The following ASGR2 variants were observed in gnomAD, a reference collection of about 807,000 sequenced individuals.
ASGR2 encodes asialoglycoprotein receptor 2, also known as C-type lectin domain family 4 member H2.
In ASGR2, 34 loss-of-function variants were observed where a neutral mutation model predicts 32.3. The observed-to-expected ratio is 1.05, with a 90% CI of 0.80 to 1.40. The LOEUF (loss-of-function observed/expected upper bound fraction) is 1.40, where lower values mean the gene tolerates loss of function less well. Among genes scored for constraint, ASGR2 ranks in the 40% most tolerant of loss-of-function variants. The pLI is 0.00. For missense variants in ASGR2, 385 were observed against 386.4 expected (o/e 1.00, Z 0.03); for synonymous variants, 143 against 150.0 (o/e 0.95, Z 0.34).
In ASGR2 at chr17:7,108,830, C is replaced by T. The variant is rs1259417543; in HGVS notation, c.183G>A (p.Leu61=). 2 of 1,613,458 alleles carry T rather than the reference C, an allele frequency of 1.2e-6. No individual in the cohort carries two copies. The highest frequency in any genetic ancestry group is 3.3e-5 in the Admixed American group (2 of 59,890). ...QRLCSMVCFS[L]LALSFNILLL... is the part of the protein sequence containing the mutation. The stretch of plus-strand genomic sequence containing the variant: ...GCAGGATGTTGAAGCTCAGGGCAAG[C>T]AGACTGAAGCAGACCATGGAGCAGA... Residue 61 remains leucine (L), a synonymous_variant, in exon 3 of 9, where the codon CTG becomes CTA. Coordinates refer to ENST00000691900, the MANE Select transcript of ASGR2 (RefSeq NM_001201352.2). This position sits in a 1 kb window ranked among gnomAD's most constrained non-coding sequence, Gnocchi z 4.9.
chr17:7,106,490 A>G (rs1361633947), intron 7 of ASGR2, among the ~76,000 whole-genome samples: 1 of 152,210 alleles, frequency 6.6e-6, no homozygotes, highest in Non-Finnish European at 1.5e-5. Context: ...CTGATCAGTA[A>G]AGCAAAATAT....
chr17:7,111,907 G>A (rs996930751), intron 2 of ASGR2, among the ~76,000 whole-genome samples: 3 of 147,414 alleles, frequency 2.0e-5, no homozygotes, highest in Middle Eastern at 3.2e-3. Context: ...GCCAGGTGTG[G>A]TGCCACATGC....
chr17:7,101,382 T>G lies in ASGR2; in HGVS notation c.*193A>C, dbSNP rs1912782757. ...TTGAAGAGGCTGACGATTATAATAA[T>G]TACAATGAATTACAGAAGGAGGTGG... On this transcript the variant is annotated 3_prime_UTR_variant, in exon 9 of 9. Coordinates refer to ENST00000691900, the MANE Select transcript of ASGR2 (RefSeq NM_001201352.2). The G allele has an allele frequency of 1.6e-6, 1 of 616,384 alleles. No homozygotes were observed. The highest frequency in any genetic ancestry group is 1.8e-5 in the African/African-American group (1 of 54,530). The allele number at this position is 616,384 out of a possible 1,614,324, so 38.2% of individuals were successfully genotyped here. A position where few individuals can be genotyped will look rare whatever the true frequency, so the allele number is the denominator to read the frequency against.
rs2151744270 is a variant in ASGR2, at chr17:7,114,273, T to C, written c.-33A>G. 1 of 1,526,734 alleles carries C rather than the reference T, an allele frequency of 6.5e-7. No individual in the cohort carries two copies. 94.6% of individuals were successfully genotyped at this position (1,526,734 alleles called of 1,614,324 possible). ...CCCGGGCTGGAGCTGGAGCTGGAGC[T>C]GGGCTGGGCTGGGCTGAGGTTGCTC... On this transcript the variant is annotated 5_prime_UTR_variant, in exon 2 of 9. Coordinates refer to ENST00000691900, the MANE Select transcript of ASGR2 (RefSeq NM_001201352.2). The surrounding 1 kb of genome is among the most constrained non-coding windows in gnomAD (Gnocchi z 4.5).
chr17:7,102,095 G>T lies in ASGR2; in HGVS notation c.750C>A (p.Asn250Lys). Reference protein sequence around the residue: ...KWVDGTDYRHNYKNWAVTQPD... With the variant: ...KWVDGTDYRHKYKNWAVTQPD... ...TGAGGGAAGAGGCCACTTACTTGTA[G>T]TTGTGCCTATAGTCTGTGCCATCCA... The change falls in exon 8 of 9, where the codon AAC (asparagine) becomes AAA (lysine). Residue 250 changes from asparagine to lysine, a missense_variant. By Grantham distance (94) the Asn-to-Lys change is moderately conservative (BLOSUM62 0). Transcript: ENST00000691900. 6.2e-7 allele frequency: 1 copy of T among 1,613,480 alleles called. No homozygotes were observed. Among genetic ancestry groups the T allele is most frequent in the Non-Finnish European group, 8.5e-7 (1 of 1,179,408 alleles).
chr17:7,110,586 C>A (rs1394643517), intron 2 of ASGR2, among the ~76,000 whole-genome samples: 2 of 152,208 alleles, frequency 1.3e-5, no homozygotes, highest in Non-Finnish European at 2.9e-5. Flanking sequence ...CATTCAATTT[C>A]TCCATGCTTC....
At chr17:7,101,864 C>G (rs1912871492) in intron 8 of ASGR2, 124 bp from the exon 9 acceptor site, 5 of 1,338,892 alleles carry the variant, frequency 3.7e-6, no homozygotes, top group Non-Finnish European at 5.1e-6. Flanking sequence ...GCCCTGCTAC[C>G]CAGTCTGGGG....
chr17:7,114,268 G>C lies in ASGR2; in HGVS notation c.-28C>G. Reference sequence around the variant, plus strand: ...TGGGGCCCGGGCTGGAGCTGGAGCTGGAGCTGGGCTGGGCTGGGCTGAGGT... The same window carrying C: ...TGGGGCCCGGGCTGGAGCTGGAGCTCGAGCTGGGCTGGGCTGGGCTGAGGT... On this transcript the variant is annotated 5_prime_UTR_variant, in exon 2 of 9. Coordinates refer to ENST00000691900, the MANE Select transcript of ASGR2 (RefSeq NM_001201352.2). The surrounding 1 kb of genome is among the most constrained non-coding windows in gnomAD (Gnocchi z 4.5). The C allele has an allele frequency of 1.9e-6, 3 of 1,612,650 alleles. No individual in the cohort carries two copies. The highest frequency in any genetic ancestry group is 2.5e-6 in the Non-Finnish European group (3 of 1,179,708).
Position 7,108,968 on chromosome 17 carries a change from A to G in ASGR2, c.125-80T>C. 3 of 1,089,808 alleles carry G rather than the reference A, an allele frequency of 2.8e-6. No individual in the cohort carries two copies. Among genetic ancestry groups the G allele is most frequent in the Non-Finnish European group, 2.5e-6 (2 of 813,902 alleles). 67.5% of individuals were successfully genotyped at this position (1,089,808 alleles called of 1,614,324 possible). ...AAAGACAGGGCACCGAAGCCTGAGG[A>G]GGCATAACCTGGGCGGGGGGATTGG... is the stretch of plus-strand genomic sequence containing the variant. On this transcript the variant is annotated intron_variant, in intron 2 of 8. Transcript: ENST00000691900. This position sits in a 1 kb window ranked among gnomAD's most constrained non-coding sequence, Gnocchi z 4.9.
At position 7,108,578 on chromosome 17, in the gene ASGR2, G is replaced by A. The variant is rs374352199; in HGVS notation, c.242-21C>T. 26 of 1,604,448 alleles carry A rather than the reference G, an allele frequency of 1.6e-5. 1 individual carries two copies. Among genetic ancestry groups the A allele is most frequent in the African/African-American group, 1.1e-4 (8 of 74,932 alleles). ...TGCACCTTGTCAGGTGGTAGTGGGGGCAGGATGAGGCAGAGGGGCCGTGTC... is the reference window on the plus strand; with the variant it reads ...TGCACCTTGTCAGGTGGTAGTGGGGACAGGATGAGGCAGAGGGGCCGTGTC... On this transcript the variant is annotated intron_variant, in intron 3 of 8. Coordinates refer to ENST00000691900, the MANE Select transcript of ASGR2 (RefSeq NM_001201352.2). The surrounding 1 kb of genome is among the most constrained non-coding windows in gnomAD (Gnocchi z 4.9).
At position 7,114,129 on chromosome 17, in the gene ASGR2, G is replaced by T. The variant is rs1393300775; in HGVS notation, c.112C>A (p.Pro38Thr). The change falls in exon 2 of 9, where the codon CCA becomes ACA. Residue 38 changes from proline to threonine, a missense_variant. Coordinates refer to ENST00000691900, the MANE Select transcript of ASGR2 (RefSeq NM_001201352.2). This position sits in a 1 kb window ranked among gnomAD's most constrained non-coding sequence, Gnocchi z 4.5. ...TRRLNPRRGN[P>T]FLKGPPPAQP... is the part of the protein sequence containing the mutation. ...ACTGCACACTTGCCTTTCAAAAATGGATTTCCTCTCCTGGGATTCAGCCTG... is the reference window on the plus strand; with the variant it reads ...ACTGCACACTTGCCTTTCAAAAATGTATTTCCTCTCCTGGGATTCAGCCTG... The T allele has an allele frequency of 1.4e-5, 22 of 1,614,210 alleles. No homozygotes were observed. The highest frequency in any genetic ancestry group is 1.9e-5 in the Non-Finnish European group (22 of 1,180,032).
In ASGR2 at chr17:7,101,554, T is replaced by C; in HGVS notation, c.*21A>G. Reference sequence around the variant, plus strand: ...GAGCTGGGCAGGTGTGGGGTATGGGTTAGCCAGAGGTGTGCTGGGGTCAGG... The same window carrying C: ...GAGCTGGGCAGGTGTGGGGTATGGGCTAGCCAGAGGTGTGCTGGGGTCAGG... On this transcript the variant is annotated 3_prime_UTR_variant, in exon 9 of 9. Coordinates refer to ENST00000691900, the MANE Select transcript of ASGR2 (RefSeq NM_001201352.2). 1 of 1,611,248 alleles carries C rather than the reference T, an allele frequency of 6.2e-7. No homozygotes were observed. Among genetic ancestry groups the C allele is most frequent in the African/African-American group, 1.3e-5 (1 of 75,014 alleles).
In ASGR2 at chr17:7,107,217, G is replaced by A. The variant is rs373351835; in HGVS notation, c.496+14C>T. On this transcript the variant is annotated intron_variant, in intron 6 of 8. Coordinates refer to ENST00000691900, the MANE Select transcript of ASGR2 (RefSeq NM_001201352.2). The surrounding 1 kb of genome is among the most constrained non-coding windows in gnomAD (Gnocchi z 5.0). ...GGGCAGGCACACTGGGCCTGGAGAC[G>A]GCCCCACCCCTACCGTTGCTGTGGA... is the stretch of plus-strand genomic sequence containing the variant. 15 of 1,614,032 alleles carry A rather than the reference G, an allele frequency of 9.3e-6. No homozygotes were observed. Among genetic ancestry groups the A allele is most frequent in the African/African-American group, 2.7e-5 (2 of 74,918 alleles).
Position 7,108,493 on chromosome 17 carries a change from G to A in ASGR2, c.306C>T (p.Thr102=). Residue 102 remains threonine (T), a synonymous_variant, in exon 4 of 9, where the codon ACC becomes ACT. Transcript: ENST00000691900. This position sits in a 1 kb window ranked among gnomAD's most constrained non-coding sequence, Gnocchi z 4.9. ...KEAFSNFSSS[T]LTEVQAISTH... ...TGCTGATTGCCTGGACCTCCGTCAG[G>A]GTGCTCGAGGAGAAGTTGCTGAAAG... is the stretch of plus-strand genomic sequence containing the variant. The A allele has an allele frequency of 6.2e-7, 1 of 1,608,672 alleles. No individual in the cohort carries two copies.
At chr17:7,103,982 TA>T in intron 7 of ASGR2, among the ~76,000 whole-genome samples, 1 of 136,462 alleles carries the variant, frequency 7.3e-6, no homozygotes, top group African/African-American at 2.8e-5. Context: ...AAGAATGACA[TA>T]AAACATGAAA....
chr17:7,107,660 A>G lies in ASGR2; in HGVS notation c.409+176T>C, dbSNP rs1458184233. 1.3e-5 allele frequency: 11 copies of G among 822,258 alleles called. No individual in the cohort carries two copies. Among genetic ancestry groups the G allele is most frequent in the Non-Finnish European group, 3.9e-6 (2 of 510,948 alleles). The allele number at this position is 822,258 out of a possible 1,614,324, so 50.9% of individuals were successfully genotyped here. On this transcript the variant is annotated intron_variant, in intron 5 of 8. Coordinates refer to ENST00000691900, the MANE Select transcript of ASGR2 (RefSeq NM_001201352.2). The surrounding 1 kb of genome is among the most constrained non-coding windows in gnomAD (Gnocchi z 5.0). ...ATACACCACACTACACACCACACAC[A>G]GATCCATGACATATCACACCACACA...
intron 7 of ASGR2, among the ~76,000 whole-genome samples, chr17:7,104,000 A>AT (rs1036942580): frequency 8.7e-5 from 13 of 149,658 alleles, no homozygotes; most frequent in Admixed American, 2.7e-4. Context: ...GAAAGAAGAT[A>AT]TAAAAAAAAA....
rs1597400872 is a variant in ASGR2, at chr17:7,114,622, A to G, written c.-78T>C. 2 of 1,059,728 alleles carry G rather than the reference A, an allele frequency of 1.9e-6. No homozygotes were observed. The highest frequency in any genetic ancestry group is 4.6e-4 in the Middle Eastern group (1 of 2,172). The allele number at this position is 1,059,728 out of a possible 1,614,324, so 65.6% of individuals were successfully genotyped here. On this transcript the variant is annotated 5_prime_UTR_variant, in exon 1 of 9. Coordinates refer to ENST00000691900, the MANE Select transcript of ASGR2 (RefSeq NM_001201352.2). This position sits in a 1 kb window ranked among gnomAD's most constrained non-coding sequence, Gnocchi z 4.5. Reference sequence around the variant, plus strand: ...CTCCCCAGCCTCAGTTACCTGTGAAAGGTGTGGAGAGCGGACACCTGGCTC... The same window carrying G: ...CTCCCCAGCCTCAGTTACCTGTGAAGGGTGTGGAGAGCGGACACCTGGCTC...
At chr17:7,106,135 T>C (rs1179486050) in intron 7 of ASGR2, among the ~76,000 whole-genome samples, 1 of 152,146 alleles carries the variant, frequency 6.6e-6, no homozygotes, top group Non-Finnish European at 1.5e-5. Flanking sequence ...ATATTTTTTT[T>C]AACTCTTGAA....
Sources: gnomAD v4.1 joint callset for allele counts (sites outside exome capture counted in the v4.1 genomes callset) on GRCh38, gnomAD v4.1.1 for gene constraint, Gnocchi (gnomAD v3.1) non-coding constraint, MANE v1.5 for transcripts, NCBI Gene and HGNC (gene_info 2026-07-23, HGNC 2026-07-21) for gene names.